USP43: variants seen among roughly 807,000 people sequenced by gnomAD.
The protein encoded by USP43 is ubiquitin carboxyl-terminal hydrolase 43.
A neutral mutation model predicts 90.7 loss-of-function variants in USP43; 33 were observed. That is an observed-to-expected ratio of 0.36 (90% CI 0.28 to 0.49). The LOEUF (loss-of-function observed/expected upper bound fraction) is 0.49. Ranked by LOEUF, USP43 falls within the 20% of genes least tolerant of loss-of-function variation. The pLI is 0.98. For missense variants in USP43, 1,274 were observed against 1,476.4 expected (o/e 0.86, Z 2.25); for synonymous variants, 598 against 615.8 (o/e 0.97, Z 0.43).
chr17:9,652,025 A>G (rs1911895295), intron 1 of USP43, among the ~76,000 whole-genome samples: 1 of 152,134 alleles, frequency 6.6e-6, no homozygotes, highest in Non-Finnish European at 1.5e-5. Context: ...AATGTTAAAA[A>G]TTATCAATGT....
chr17:9,673,519 CAAAA>C (rs140036196), intron 3 of USP43, among the ~76,000 whole-genome samples: 10 of 151,350 alleles, frequency 6.6e-5, no homozygotes, highest in African/African-American at 2.4e-4. Context: ...CAAAAACAAA[CAAAA>C]AAAAGTTGCA....
At position 9,729,108 on chromosome 17, in the gene USP43, A is replaced by G; in HGVS notation, c.*118A>G. On this transcript the variant is annotated 3_prime_UTR_variant, in exon 15 of 15. Transcript: ENST00000285199. Reference sequence around the variant, plus strand: ...CCGTTGTCTTGTAATCTCTAAAAAAAAATTTTTTTTTTTTTGTGGTGGGGG... The same window carrying G: ...CCGTTGTCTTGTAATCTCTAAAAAAGAATTTTTTTTTTTTTGTGGTGGGGG... The G allele has an allele frequency of 8.5e-7, 1 of 1,174,864 alleles. No homozygotes were observed. Among genetic ancestry groups the G allele is most frequent in the Non-Finnish European group, 1.1e-6 (1 of 889,300 alleles). 72.8% of individuals were successfully genotyped at this position (1,174,864 alleles called of 1,614,324 possible).
At chr17:9,725,514 C>T (rs534680137) in intron 14 of USP43, among the ~76,000 whole-genome samples, 14 of 152,170 alleles carry the variant, frequency 9.2e-5, no homozygotes, top group Non-Finnish European at 1.9e-4. Flanking sequence ...CTCTTATTCC[C>T]TTCTGTTCTT....
intron 8 of USP43, among the ~76,000 whole-genome samples, chr17:9,692,503 T>G (rs1253195320): frequency 6.6e-6 from 1 of 152,246 alleles, no homozygotes; most frequent in African/African-American, 2.4e-5. Context: ...TGGAGAAATA[T>G]CTGCACAAAT....
intron 14 of USP43, among the ~76,000 whole-genome samples, chr17:9,723,523 TTCCCCTCCCCTCCCCTCCCCTCCCC>T (rs558374313): frequency 6.8e-5 from 5 of 74,062 alleles, no homozygotes; most frequent in East Asian, 4.5e-4. Context: ...TTCCTTTCCC[TTCCCCTCCCCTCCCCTCCCCTCCCC>T]TCCCCTCCCC....
rs80152079 is a variant in USP43, at chr17:9,720,990, A to T, written c.2336-6964A>T. Among the ~76,000 whole-genome samples, 4 of 152,334 alleles carry T rather than the reference A, an allele frequency of 2.6e-5. No homozygotes were observed. The East Asian group carries it at 7.7e-4, about 29-fold the overall frequency. ...CTTTCCGGTAGCCCTGGTTATGATC[A>T]TCATAATAATGAAGGAATCTTAAAC... On this transcript the variant is annotated intron_variant, in intron 14 of 14. Transcript: ENST00000285199.
intron 1 of USP43, among the ~76,000 whole-genome samples, chr17:9,650,423 G>A (rs1911772075): frequency 6.6e-6 from 1 of 151,486 alleles, no homozygotes; most frequent in South Asian, 2.1e-4. Flanking sequence ...TGGTGGTGGA[G>A]ACAGAGTCTC....
Position 9,674,789 on chromosome 17 carries a change from G to A in USP43, c.741-102G>A, listed in dbSNP as rs1913656595. The A allele has an allele frequency of 1.1e-6, 1 of 934,482 alleles. No homozygotes were observed. The highest frequency in any genetic ancestry group is 1.4e-5 in the South Asian group (1 of 69,984). 57.9% of individuals were successfully genotyped at this position (934,482 alleles called of 1,614,324 possible). On this transcript the variant is annotated intron_variant, in intron 3 of 14. Transcript: ENST00000285199. The surrounding 1 kb of genome is among the most constrained non-coding windows in gnomAD (Gnocchi z 4.4). ...TCTTCTGGGTATGTACCTACGAGTGGAATCACAGGGAGTGGAAATGCAAGG... is the reference window on the plus strand; with the variant it reads ...TCTTCTGGGTATGTACCTACGAGTGAAATCACAGGGAGTGGAAATGCAAGG...
intron 14 of USP43, 74 bp downstream of exon 14, chr17:9,712,206 C>T: frequency 1.4e-6 from 2 of 1,432,372 alleles, no homozygotes; most frequent in East Asian, 5.2e-5. Flanking sequence ...TATGAAAGCG[C>T]TGTCACTTCG....
chr17:9,689,008 G>T (rs1020642784), intron 8 of USP43, among the ~76,000 whole-genome samples: 5 of 152,040 alleles, frequency 3.3e-5, no homozygotes, highest in African/African-American at 9.7e-5. Context: ...TTTTAGAAAT[G>T]GATCAAGCAA....
intron 3 of USP43, among the ~76,000 whole-genome samples, chr17:9,670,606 T>C (rs1913348266): frequency 6.6e-6 from 1 of 151,920 alleles, no homozygotes; most frequent in Non-Finnish European, 1.5e-5. Flanking sequence ...GACTCTAGGG[T>C]GACTCTTGGG....
intron 8 of USP43, among the ~76,000 whole-genome samples, chr17:9,689,809 T>C (rs1914823966): frequency 6.6e-6 from 1 of 152,124 alleles, no homozygotes; most frequent in Non-Finnish European, 1.5e-5. Flanking sequence ...CAGATGTTGG[T>C]GCCGTAATGA....
intron 5 of USP43, among the ~76,000 whole-genome samples, chr17:9,679,860 A>AT (rs34643330): frequency 2.0e-5 from 3 of 151,860 alleles, no homozygotes; most frequent in South Asian, 2.1e-4. Context: ...TTTGGTAAAA[A>AT]TTTTTTTTAT....
Position 9,710,035 on chromosome 17 carries a change from C to A in USP43, c.2091C>A (p.Val697=), listed in dbSNP as rs1323854685. The change falls in exon 13 of 15, where the codon GTC becomes GTA. Residue 697 remains valine, a synonymous_variant. Coordinates refer to ENST00000285199, the MANE Select transcript of USP43 (RefSeq NM_153210.5). ...TGGAACCGCTTCGAGAAGATGAGGT[C>A]AACACCAGAGGGGCTTATATCCTGT... ...STVEPLREDE[V]NTRGAYILFY... 1 of 1,575,394 alleles carries A rather than the reference C, an allele frequency of 6.3e-7. No individual in the cohort carries two copies. The highest frequency in any genetic ancestry group is 1.4e-5 in the African/African-American group (1 of 72,960).
chr17:9,703,945 C>A (rs1206790827), intron 12 of USP43, among the ~76,000 whole-genome samples: 2 of 152,164 alleles, frequency 1.3e-5, no homozygotes, highest in Non-Finnish European at 2.9e-5. Flanking sequence ...GTGATGGGAG[C>A]TTGACCTTTG....
At position 9,681,466 on chromosome 17, in the gene USP43, A is replaced by T. The variant is rs996635371; in HGVS notation, c.1105+1100A>T. On this transcript the variant is annotated intron_variant, in intron 6 of 14. Transcript: ENST00000285199. ...GATAAATATATATAAAATATATTATATATATATATATATATATATATATAT... is the reference window on the plus strand; with the variant it reads ...GATAAATATATATAAAATATATTATTTATATATATATATATATATATATAT... Among the ~76,000 whole-genome samples, 403 of 12,540 alleles carry T rather than the reference A, an allele frequency of 0.032. 14 individuals carry two copies. The East Asian group carries it at 0.43, about 13-fold the overall frequency. 8.2% of individuals were successfully genotyped at this position (12,540 alleles called of 152,430 possible). A position where few individuals can be genotyped will look rare whatever the true frequency, so the allele number is the denominator to read the frequency against.
chr17:9,647,326 G>A (rs1911502196), intron 1 of USP43, among the ~76,000 whole-genome samples: 1 of 152,028 alleles, frequency 6.6e-6, no homozygotes, highest in South Asian at 2.1e-4. Flanking sequence ...GCAGCCAGTG[G>A]GTCAAATGGT....
chr17:9,728,920 C>A lies in USP43; in HGVS notation c.3302C>A (p.Thr1101Asn). 3 of 1,609,188 alleles carry A rather than the reference C, an allele frequency of 1.9e-6. 1 individual carries two copies. The highest frequency in any genetic ancestry group is 2.2e-5 in the South Asian group (2 of 90,544). Residue 1101 changes from threonine (T) to asparagine (N), a missense_variant, in exon 15 of 15, where the codon ACC becomes AAC. Transcript: ENST00000285199. This position sits in a 1 kb window ranked among gnomAD's most constrained non-coding sequence, Gnocchi z 6.2. ...CCAGGGGAGCAGGCTTCTTATGGCA[C>A]CTTTCAGAGAGTCAAATATCACACT... ...TVPGEQASYG[T>N]FQRVKYHTLS...
chr17:9,676,806 G>T lies in USP43; in HGVS notation c.894G>T (p.Leu298=). 1 of 1,613,990 alleles carries T rather than the reference G, an allele frequency of 6.2e-7. No homozygotes were observed. The highest frequency in any genetic ancestry group is 8.5e-7 in the Non-Finnish European group (1 of 1,179,888). The change falls in exon 5 of 15, where the codon CTG becomes CTT. Residue 298 remains leucine (L), a synonymous_variant. Transcript: ENST00000285199. ...GCCAGCGGTTCCTGCGGGTTGGCCT[G>T]GCCGTGCCGATCCTCAGCACAGTGG... ...SKSQRFLRVG[L]AVPILSTVAA...
Sources: allele counts gnomAD v4.1 joint callset (sites outside exome capture counted in the v4.1 genomes callset), GRCh38; gene constraint gnomAD v4.1.1; non-coding constraint Gnocchi (gnomAD v3.1); transcripts MANE v1.5; gene names NCBI Gene and HGNC (gene_info 2026-07-23, HGNC 2026-07-21).